The following NOS2 variants were observed in gnomAD, a reference collection of about 807,000 sequenced individuals.
NOS2 encodes nitric oxide synthase, inducible.
A neutral mutation model predicts 136.0 loss-of-function variants in NOS2; 96 were observed. The ratio of observed to expected loss-of-function variants is 0.71; its 90% confidence interval spans 0.60 to 0.84. The LOEUF (loss-of-function observed/expected upper bound fraction) is 0.84, where lower values mean the gene tolerates loss of function less well. Ranked by LOEUF, NOS2 falls within the 40% of genes least tolerant of loss-of-function variation. NOS2 has a pLI of 0.00. For missense variants in NOS2, 1,237 were observed against 1,496.9 expected, an observed-to-expected ratio of 0.83 and a Z score of 2.87; for synonymous variants, 539 against 587.5, an observed-to-expected ratio of 0.92 and a Z score of 1.20.
At position 27,770,960 on chromosome 17, in the gene NOS2, C is replaced by A; in HGVS notation, c.1762G>T (p.Val588Leu). 1 of 1,614,194 alleles carries A rather than the reference C, an allele frequency of 6.2e-7. No homozygotes were observed. Among genetic ancestry groups the A allele is most frequent in the South Asian group, 1.1e-5 (1 of 91,076 alleles). ...CCATTGCCAAACGTACTGGTCACCA[C>A]CAACAGCAGCCGTTCCTCCTCCAGG... is the stretch of plus-strand genomic sequence containing the variant. ...SCLEEERLLL[V>L]VTSTFGNGDC... The change falls in exon 15 of 27, where the codon GTG (valine) becomes TTG (leucine). Residue 588 changes from valine (V) to leucine (L), a missense_variant. By Grantham distance (32) the Val-to-Leu change is conservative (BLOSUM62 1). Transcript: ENST00000313735.
chr17:27,798,829 A>C lies in NOS2; in HGVS notation c.-20T>G, dbSNP rs201123212. On this transcript the variant is annotated 5_prime_UTR_variant, in exon 2 of 27. Coordinates refer to ENST00000313735, the MANE Select transcript of NOS2 (RefSeq NM_000625.4). ...GGCCATCTCTATGGCTTTACAAAGC[A>C]GGTCACTTATGTCACTTATCTGGAT... 3 of 1,477,794 alleles carry C rather than the reference A, an allele frequency of 2.0e-6. No individual in the cohort carries two copies. In the South Asian group the frequency reaches 3.4e-5, roughly 17 times the overall value. 91.5% of individuals were successfully genotyped at this position (1,477,794 alleles called of 1,614,324 possible). A position where few individuals can be genotyped will look rare whatever the true frequency, so the allele number is the denominator to read the frequency against.
chr17:27,793,217 T>C (rs1909248400), intron 2 of NOS2, among the ~76,000 whole-genome samples: 1 of 151,998 alleles, frequency 6.6e-6, no homozygotes, highest in African/African-American at 2.4e-5. Flanking sequence ...GATGGCGCCC[T>C]GGGAAATGGA....
chr17:27,775,141 T>C (rs1908620094), intron 11 of NOS2, among the ~76,000 whole-genome samples: 1 of 152,222 alleles, frequency 6.6e-6, no homozygotes, highest in Non-Finnish European at 1.5e-5. Context: ...TTAAGTTTTC[T>C]CATCTGTGAA....
intron 20 of NOS2, among the ~76,000 whole-genome samples, chr17:27,764,868 C>T (rs959410562): frequency 6.6e-6 from 1 of 152,230 alleles, no homozygotes; most frequent in Non-Finnish European, 1.5e-5. Context: ...TGATGAACCA[C>T]ATCCTTCACC....
chr17:27,764,751 T>C (rs560219762), intron 20 of NOS2, among the ~76,000 whole-genome samples: 392 of 152,352 alleles, frequency 2.6e-3, no homozygotes, highest in Non-Finnish European at 3.6e-3. Context: ...GCATGAGCAC[T>C]GAATGAAATT....
At chr17:27,763,923 C>G (rs2151325647) in intron 21 of NOS2, 58 bp downstream of exon 21, 1 of 1,414,940 alleles carries the variant, frequency 7.1e-7, no homozygotes, top group East Asian at 2.5e-5. Flanking sequence ...TGGACTCTGG[C>G]TCCCCACATG....
Position 27,757,055 on chromosome 17 carries a change from G to A in NOS2, c.*191C>T, listed in dbSNP as rs191602472. The A allele has an allele frequency of 1.3e-4, 63 of 471,804 alleles. No homozygotes were observed. In the East Asian group the frequency reaches 2.1e-3, roughly 15 times the overall value. The allele number at this position is 471,804 out of a possible 1,614,324, so 29.2% of individuals were successfully genotyped here. The stretch of plus-strand genomic sequence containing the variant: ...GCCCCAGTTTGAGAGAGGAGGCTCC[G>A]ATCAATCCAGGGTGCTACTTGTTAG... On this transcript the variant is annotated 3_prime_UTR_variant, in exon 27 of 27. Transcript: ENST00000313735.
rs199625322 is a variant in NOS2 at position 27,767,873 on chromosome 17, A to G, written c.2035-36T>C. The stretch of plus-strand genomic sequence containing the variant: ...GTGGAGCAGACTGCGGTTAATGGTC[A>G]GCAGCAGCAGCATCCCCACCACTGG... On this transcript the variant is annotated intron_variant, in intron 17 of 26. Coordinates refer to ENST00000313735, the MANE Select transcript of NOS2 (RefSeq NM_000625.4). The G allele has an allele frequency of 1.6e-4, 253 of 1,604,370 alleles. No homozygotes were observed. In the East Asian group the frequency reaches 3.6e-3, roughly 23 times the overall value.
intron 19 of NOS2, 48 bp downstream of exon 19, chr17:27,766,462 A>G (rs767504713): frequency 2.7e-6 from 4 of 1,459,066 alleles, no homozygotes; most frequent in Non-Finnish European, 2.9e-6. Context: ...CATTCGTTAA[A>G]ATAAAATCGA....
Position 27,758,892 on chromosome 17 carries a change from A to G in NOS2, c.3343T>C (p.Phe1115Leu). ...ACCCACTACTATACCTTGAGCTGAA[A>G]GAAATAGTCCTCGACCTGCTCCTCA... is the stretch of plus-strand genomic sequence containing the variant. Reference protein sequence around the residue: ...LNEEQVEDYFFQLKSQKRYHE... With the variant: ...LNEEQVEDYFLQLKSQKRYHE... The change falls in exon 26 of 27, where the codon TTT becomes CTT. Residue 1115 changes from phenylalanine to leucine, a missense_variant. Around this residue, in one of 3 missense-constraint regions of NOS2, gnomAD observed 782 missense variants for 909.9 expected, o/e 0.86. Coordinates refer to ENST00000313735, the MANE Select transcript of NOS2 (RefSeq NM_000625.4). 3 of 1,594,230 alleles carry G rather than the reference A, an allele frequency of 1.9e-6. No homozygotes were observed. The highest frequency in any genetic ancestry group is 2.6e-6 in the Non-Finnish European group (3 of 1,170,218).
rs3730230 is a variant in NOS2 at position 27,767,819 on chromosome 17, C to G, written c.2053G>C (p.Asp685His). 6.2e-7 allele frequency: 1 copy of G among 1,611,870 alleles called. No individual in the cohort carries two copies. The highest frequency in any genetic ancestry group is 8.5e-7 in the Non-Finnish European group (1 of 1,179,994). Reference protein sequence around the residue: ...QTFKAACETFDVRGKQHIQIP... With the variant: ...QTFKAACETFHVRGKQHIQIP... ...TGAATGTGCTGTTTGCCTCGGACAT[C>G]AAACGTCTCACAGGCTGCCTGGAAG... Residue 685 changes from aspartate to histidine, a missense_variant, in exon 18 of 27, where the codon GAT (aspartate) becomes CAT (histidine). Physicochemically the swap from Asp to His is moderately conservative, Grantham distance 81. Transcript: ENST00000313735.
intron 13 of NOS2, 59 bp from the exon 14 acceptor site, chr17:27,772,511 TG>T: frequency 6.3e-7 from 1 of 1,597,552 alleles, no homozygotes. Flanking sequence ...CAGAAGAAAA[TG>T]GGGGACCAGG....
At chr17:27,772,527 T>G (rs1908530427) in intron 13 of NOS2, 75 bp from the exon 14 acceptor site, 6 of 1,560,318 alleles carry the variant, frequency 3.8e-6, no homozygotes, top group East Asian at 2.3e-5. Context: ...ACCAGGGGAA[T>G]GGGAGGGGAC....
At chr17:27,780,615 G>A (rs1301432903) in intron 9 of NOS2, 152 bp downstream of exon 9, 2 of 930,896 alleles carry the variant, frequency 2.1e-6, no homozygotes, top group East Asian at 5.2e-5. Flanking sequence ...ATGCAACAGT[G>A]ACAAAAGAGT....
intron 22 of NOS2, among the ~76,000 whole-genome samples, chr17:27,761,576 T>C (rs1908132606): frequency 6.6e-6 from 1 of 152,108 alleles, no homozygotes; most frequent in Admixed American, 6.5e-5. Context: ...TTCCAAAGAC[T>C]TTCTCCGGGA....
At chr17:27,793,137 A>T (rs957242463) in intron 2 of NOS2, among the ~76,000 whole-genome samples, 14 of 118,526 alleles carry the variant, frequency 1.2e-4, no homozygotes, top group African/African-American at 4.5e-4. Context: ...TGCGGTTCCG[A>T]CGCCTCCCTG....
chr17:27,768,950 G>T, intron 17 of NOS2, 27 bp downstream of exon 17: 1 of 1,568,952 alleles, frequency 6.4e-7, no homozygotes, highest in Non-Finnish European at 8.6e-7. Flanking sequence ...TGTCCCTGCT[G>T]TGGGGCAGCT....
At chr17:27,772,689 G>A (rs975031071) in intron 13 of NOS2, among the ~76,000 whole-genome samples, 11 of 152,134 alleles carry the variant, frequency 7.2e-5, no homozygotes, top group African/African-American at 2.7e-4. Flanking sequence ...ATGGCAGCAG[G>A]GGACCCTTGG....
At chr17:27,774,102 C>A (rs141982143) in intron 12 of NOS2, among the ~76,000 whole-genome samples, 155 bp downstream of exon 12, 175 of 152,318 alleles carry the variant, frequency 1.1e-3, no homozygotes, top group Non-Finnish European at 1.8e-3. Context: ...TGCACAAAGG[C>A]TGCTCAGCAT....
Sources: gnomAD v4.1 joint callset for allele counts (sites outside exome capture counted in the v4.1 genomes callset) on GRCh38, gnomAD v4.1.1 for gene constraint, gnomAD v4.1.1 regional missense constraint, MANE v1.5 for transcripts, NCBI Gene and HGNC (gene_info 2026-07-23, HGNC 2026-07-21) for gene names.